The following SLC35F4 variants were observed in gnomAD, a reference collection of about 807,000 sequenced individuals.
The protein encoded by SLC35F4 is chromosome 14 open reading frame 36.
A neutral mutation model predicts 44.2 loss-of-function variants in SLC35F4; 24 were observed. The observed-to-expected ratio is 0.54, with a 90% CI of 0.39 to 0.76. The LOEUF (loss-of-function observed/expected upper bound fraction) is 0.76, where lower values mean the gene tolerates loss of function less well. SLC35F4 is among the 30% of genes least tolerant of loss of function. The pLI, the probability that SLC35F4 is intolerant of heterozygous loss-of-function variation, is 0.00. For missense variants in SLC35F4, 562 were observed against 586.1 expected (o/e 0.96, Z 0.42); for synonymous variants, 238 against 223.6 (o/e 1.06, Z -0.57).
At chr14:57,593,208 T>C (rs2070298753) in intron 2 of SLC35F4, among the ~76,000 whole-genome samples, 1 of 152,116 alleles carries the variant, frequency 6.6e-6, no homozygotes, top group Non-Finnish European at 1.5e-5. Flanking sequence ...AGGAAGTGAA[T>C]TTAAACAGGG....
rs936499492 is a variant in SLC35F4, at chr14:57,897,843, A to G, written n.282+84070T>C. On this transcript the variant is annotated intron_variant and non_coding_transcript_variant, in intron 1 of 1. Transcript: ENST00000556568. ...TATCATCTATAAACAGAGCACAAAAATAGGCTTCTGAATATTTGGGTTTTG... is the reference window on the plus strand; with the variant it reads ...TATCATCTATAAACAGAGCACAAAAGTAGGCTTCTGAATATTTGGGTTTTG... 2.0e-5 allele frequency among the ~76,000 whole-genome samples: 3 copies of G among 152,274 alleles called. No individual in the cohort carries two copies. The East Asian group carries it at 5.8e-4, about 29-fold the overall frequency.
At chr14:57,710,212 C>T (rs1195442227) in intron 1 of SLC35F4, among the ~76,000 whole-genome samples, 3 of 152,250 alleles carry the variant, frequency 2.0e-5, no homozygotes, top group Non-Finnish European at 2.9e-5. Flanking sequence ...AGGTACTGCT[C>T]AGGCCATTGC....
chr14:57,964,452 C>T lies in SLC35F4; in HGVS notation n.282+17461G>A, dbSNP rs570635779. 1.6e-4 allele frequency among the ~76,000 whole-genome samples: 25 copies of T among 152,268 alleles called. 1 individual carries two copies. In the South Asian group the frequency reaches 5.2e-3, roughly 32 times the overall value. On this transcript the variant is annotated intron_variant and non_coding_transcript_variant, in intron 1 of 1. Coordinates refer to the SLC35F4 transcript ENST00000556568. ...TTGCAGGAAAACTCGAAACAATACT[C>T]CTTACTCTCTCAAAATGCTTCAAAG...
intron 1 of SLC35F4, among the ~76,000 whole-genome samples, chr14:57,813,349 G>A (rs963489506): frequency 6.6e-6 from 1 of 152,108 alleles, no homozygotes; most frequent in Admixed American, 6.5e-5. Context: ...CAGCACTTTG[G>A]GAGGCCGAAG....
chr14:57,777,365 T>G (rs900114590), intron 1 of SLC35F4, among the ~76,000 whole-genome samples: 2 of 152,156 alleles, frequency 1.3e-5, no homozygotes, highest in African/African-American at 4.8e-5. Flanking sequence ...TAGCAAAGAC[T>G]TGGAACCAAC....
intron 1 of SLC35F4, among the ~76,000 whole-genome samples, chr14:57,690,996 G>A (rs960772416): frequency 2.6e-5 from 4 of 152,132 alleles, no homozygotes; most frequent in Non-Finnish European, 5.9e-5. Context: ...CCCCAACCCT[G>A]GGTACCATGG....
chr14:57,711,644 C>T (rs534080842), intron 1 of SLC35F4, among the ~76,000 whole-genome samples: 1 of 152,270 alleles, frequency 6.6e-6, no homozygotes, highest in South Asian at 2.1e-4. Flanking sequence ...TCAAGACTAG[C>T]TCAGGAATCT....
chr14:57,771,063 T>A (rs917728554), intron 1 of SLC35F4, among the ~76,000 whole-genome samples: 5 of 152,232 alleles, frequency 3.3e-5, no homozygotes, highest in East Asian at 3.9e-4. Context: ...AATTTCTGTA[T>A]CATTTCAGGG....
At chr14:57,581,583 C>T (rs1343087652) in intron 3 of SLC35F4, 150 bp from the exon 4 acceptor site, 21 of 721,668 alleles carry the variant, frequency 2.9e-5, no homozygotes, top group Admixed American at 1.2e-4. Context: ...CTGAAATCTG[C>T]GGGCTTCAGG....
At chr14:57,960,572 A>C (rs1213562755) in intron 1 of SLC35F4, among the ~76,000 whole-genome samples, 2 of 152,372 alleles carry the variant, frequency 1.3e-5, no homozygotes, top group Middle Eastern at 6.8e-3. Flanking sequence ...GAACACAAAC[A>C]TAATCAATAG....
chr14:57,766,609 G>T (rs1280566938), intron 1 of SLC35F4, among the ~76,000 whole-genome samples: 3 of 152,186 alleles, frequency 2.0e-5, no homozygotes, highest in Non-Finnish European at 4.4e-5. Context: ...TGACAGTCAG[G>T]TGCCTGAGGC....
intron 1 of SLC35F4, among the ~76,000 whole-genome samples, chr14:57,911,334 G>A (rs1015132249): frequency 6.6e-6 from 1 of 151,876 alleles, no homozygotes; most frequent in Non-Finnish European, 1.5e-5. Context: ...GAAAAGCAGT[G>A]GTAAGCGGGG....
intron 1 of SLC35F4, among the ~76,000 whole-genome samples, chr14:57,831,502 C>A (rs1884372099): frequency 6.6e-6 from 1 of 152,176 alleles, no homozygotes; most frequent in Non-Finnish European, 1.5e-5. Flanking sequence ...TCTGGAGGGA[C>A]AAACTAAAGC....
At chr14:57,783,324 C>T (rs1843111720) in intron 1 of SLC35F4, among the ~76,000 whole-genome samples, 1 of 151,414 alleles carries the variant, frequency 6.6e-6, no homozygotes, top group African/African-American at 2.4e-5. Flanking sequence ...TCCCAGATGC[C>T]ACTAAGAAAA....
Position 57,976,951 on chromosome 14 carries a change from A to AT in SLC35F4, n.157dup, listed in dbSNP as rs934567147. On this transcript the variant is annotated non_coding_transcript_exon_variant, in exon 2 of 2. Coordinates refer to the SLC35F4 transcript ENST00000554648. ...CACCATATGGATAACATCAATACCA[A>AT]TTACACCTAGGGAGCAAGAAATAAA... is the stretch of plus-strand genomic sequence containing the variant. The AT allele has an allele frequency of 5.3e-5, 8 of 152,304 alleles. No individual in the cohort carries two copies. In the East Asian group the frequency reaches 7.7e-4, roughly 15 times the overall value. The allele number at this position is 152,304 out of a possible 1,614,324, so 9.4% of individuals were successfully genotyped here. A position where few individuals can be genotyped will look rare whatever the true frequency, so the allele number is the denominator to read the frequency against.
In SLC35F4 at chr14:57,805,872, T is replaced by G. The variant is rs552063850; in HGVS notation, c.103+59851A>C. On this transcript the variant is annotated intron_variant, in intron 1 of 7. Coordinates refer to ENST00000556826, the MANE Select transcript of SLC35F4 (RefSeq NM_001306087.2). ...ATGAAAAAAGCAGCATACAAAGTAG[T>G]ATCCAAAGTAAGGTCACAACAATGT... is the stretch of plus-strand genomic sequence containing the variant. Among the ~76,000 whole-genome samples, 108 of 152,342 alleles carry G rather than the reference T, an allele frequency of 7.1e-4. 1 individual carries two copies. In the Middle Eastern group the frequency reaches 0.017, roughly 24 times the overall value.
chr14:57,930,575 A>G (rs1202904843), intron 1 of SLC35F4, among the ~76,000 whole-genome samples: 1 of 152,164 alleles, frequency 6.6e-6, no homozygotes, highest in African/African-American at 2.4e-5. Context: ...CTTATTGGGA[A>G]AACCCAGATA....
chr14:57,564,658 T>C (rs2068116588), intron 7 of SLC35F4, among the ~76,000 whole-genome samples: 1 of 152,244 alleles, frequency 6.6e-6, no homozygotes, highest in African/African-American at 2.4e-5. Flanking sequence ...TTCTCCAGTT[T>C]CATTGGACCA....
intron 1 of SLC35F4, among the ~76,000 whole-genome samples, chr14:57,671,481 G>A: frequency 6.6e-6 from 1 of 151,936 alleles, no homozygotes; most frequent in East Asian, 1.9e-4. Context: ...CACACCATGG[G>A]CCAGAAGGGA....
Sources: gnomAD v4.1 joint callset for allele counts (sites outside exome capture counted in the v4.1 genomes callset) on GRCh38, gnomAD v4.1.1 for gene constraint, MANE v1.5 for transcripts, NCBI Gene and HGNC (gene_info 2026-07-23, HGNC 2026-07-21) for gene names.